Variants in LGALS8 observed in about 807,000 individuals in gnomAD.
LGALS8 encodes the protein galectin 8, also known as galectin-8.
LGALS8 carries 30 observed loss-of-function variants against 35.9 expected under a neutral mutation model. The ratio of observed to expected loss-of-function variants is 0.83; its 90% CI spans 0.62 to 1.13. LGALS8 has a LOEUF of 1.13. LGALS8 is among the 50% of genes most tolerant of loss of function. The pLI, the probability that LGALS8 is intolerant of heterozygous loss-of-function variation, is 0.00. For missense variants in LGALS8, 366 were observed against 388.7 expected, an observed-to-expected ratio of 0.94 and a Z score of 0.49; for synonymous variants, 138 against 136.1, an observed-to-expected ratio of 1.01 and a Z score of -0.10.
At chr1:236,546,642 T>C (rs1179717813) in intron 9 of LGALS8, among the ~76,000 whole-genome samples, 1 of 152,246 alleles carries the variant, frequency 6.6e-6, no homozygotes, top group Non-Finnish European at 1.5e-5. Context: ...TGCAGTAGTC[T>C]GCTCACCCGG....
At chr1:236,545,504 G>T (rs1431865245) in intron 9 of LGALS8, among the ~76,000 whole-genome samples, 2 of 152,148 alleles carry the variant, frequency 1.3e-5, no homozygotes, top group East Asian at 3.8e-4. Flanking sequence ...CCGGGTGTTT[G>T]GCCAGCCTCA....
intron 8 of LGALS8, among the ~76,000 whole-genome samples, chr1:236,544,119 A>G (rs1662209008): frequency 6.6e-6 from 1 of 151,732 alleles, no homozygotes; most frequent in Non-Finnish European, 1.5e-5. Flanking sequence ...TACTTTTTGA[A>G]TTTTTGTATT....
At chr1:236,532,490 G>A (rs757518725) in intron 2 of LGALS8, among the ~76,000 whole-genome samples, 5 of 152,132 alleles carry the variant, frequency 3.3e-5, no homozygotes, top group Non-Finnish European at 5.9e-5. Context: ...GCTCTCAGAT[G>A]CTCTGCCAAC....
chr1:236,544,869 A>G lies in LGALS8; in HGVS notation c.758A>G (p.Glu253Gly), dbSNP rs779425848. Residue 253 changes from glutamate to glycine, a missense_variant, in exon 9 of 10, where the codon GAG (glutamate) becomes GGG (glycine). Coordinates refer to ENST00000366584, the MANE Select transcript of LGALS8 (RefSeq NM_201544.4). The part of the protein sequence containing the change: ...SFLQESWGEE[E>G]RNITSFPFSP... ...CTTCAGGAGTCCTGGGGAGAAGAAG[A>G]GAGAAATATTACCTCTTTCCCATTT... The G allele has an allele frequency of 1.2e-6, 2 of 1,613,748 alleles. No individual in the cohort carries two copies. The highest frequency in any genetic ancestry group is 1.7e-6 in the Non-Finnish European group (2 of 1,179,804).
intron 2 of LGALS8, among the ~76,000 whole-genome samples, chr1:236,529,634 T>C (rs7531162): frequency 0.59 from 75,083 of 127,524 alleles, 23,343 homozygotes; most frequent in Non-Finnish European, 0.67. Context: ...TTTTTTTTTT[T>C]TTTCTTTCTT....
chr1:236,521,050 A>C (rs1274921766), upstream of LGALS8, among the ~76,000 whole-genome samples: 1 of 152,206 alleles, frequency 6.6e-6, no homozygotes, highest in East Asian at 1.9e-4. Context: ...CTTCTCTAAA[A>C]CACATCACTG....
intron 2 of LGALS8, among the ~76,000 whole-genome samples, chr1:236,533,775 G>A (rs2103079977): frequency 6.6e-6 from 1 of 152,212 alleles, no homozygotes; most frequent in South Asian, 2.1e-4. Flanking sequence ...GAAGAACCAG[G>A]CTTGGAGAAT....
chr1:236,539,787 C>A lies in LGALS8; in HGVS notation c.345+698C>A, dbSNP rs917831464. On this transcript the variant is annotated intron_variant, in intron 4 of 9. Transcript: ENST00000366584. ...ATCTCCCAAACTCCATTCACCTCTC[C>A]CTTCTCTGGCCTTTTGAGCCCGTGT... Among the ~76,000 whole-genome samples, 4 of 152,226 alleles carry A rather than the reference C, an allele frequency of 2.6e-5. No individual in the cohort carries two copies. In the South Asian group the frequency reaches 8.3e-4, roughly 32 times the overall value.
rs1661772348 is a variant in LGALS8 at position 236,539,041 on chromosome 1, AGAAAAGTC to A, written c.298_305del (p.Glu100PhefsTer2). On this transcript the variant is annotated frameshift_variant, in exon 4 of 10. Transcript: ENST00000366584. LOFTEE classifies it high-confidence loss of function. ...TCACCTATGACACGCCTTTCAAAAG[AGAAAAGTC>A]TTTTGAGATCGTGATTATGGTGCTG... 1.9e-6 allele frequency: 3 copies of A among 1,614,060 alleles called. No homozygotes were observed. The African/African-American group carries it at 4.0e-5, about 22-fold the overall frequency.
chr1:236,550,223 G>T lies in LGALS8; in HGVS notation c.*2062G>T, dbSNP rs1662663032. The T allele has an allele frequency of 6.6e-6, 1 of 152,204 alleles. No individual in the cohort carries two copies. Among genetic ancestry groups the T allele is most frequent in the Non-Finnish European group, 1.5e-5 (1 of 68,060 alleles). 9.4% of individuals were successfully genotyped at this position (152,204 alleles called of 1,614,324 possible). ...TGGAGGAGCTTCCTCGTGCCACCCA[G>T]TGTTTCTGGGCCCTCTGTGTGAGCA... On this transcript the variant is annotated 3_prime_UTR_variant, in exon 10 of 10. Transcript: ENST00000366584.
At chr1:236,542,435 G>A in intron 6 of LGALS8, 1 of 344,640 alleles carries the variant, frequency 2.9e-6, no homozygotes, top group Non-Finnish European at 5.3e-6. Flanking sequence ...AGCCATGATT[G>A]AGCCACTGCA....
intron 5 of LGALS8, among the ~76,000 whole-genome samples, chr1:236,541,012 C>G (rs1245556297): frequency 1.3e-5 from 2 of 152,150 alleles, no homozygotes; most frequent in Admixed American, 1.3e-4. Flanking sequence ...TCAAAGAGCA[C>G]AGTCATGTGT....
At chr1:236,545,846 G>T (rs777431787) in intron 9 of LGALS8, among the ~76,000 whole-genome samples, 3 of 152,146 alleles carry the variant, frequency 2.0e-5, no homozygotes, top group Non-Finnish European at 2.9e-5. Flanking sequence ...GGCTTTTCTA[G>T]ATTTAGGGCA....
At chr1:236,525,914 G>T (rs1660791199) in intron 1 of LGALS8, 54 bp from the exon 2 acceptor site, 1 of 504,890 alleles carries the variant, frequency 2.0e-6, no homozygotes, top group South Asian at 3.8e-5. Context: ...AATAGGATAT[G>T]AAGAAAAATG....
intron 5 of LGALS8, 139 bp from the exon 6 acceptor site, chr1:236,541,515 A>T: frequency 1.9e-6 from 1 of 540,356 alleles, no homozygotes. Context: ...AAAGGACCAC[A>T]GTGTCAAGTG....
upstream of LGALS8, chr1:236,522,940 C>T (rs887913106): frequency 6.6e-6 from 1 of 152,086 alleles, no homozygotes; most frequent in Admixed American, 6.6e-5. Flanking sequence ...AAAACAAAAG[C>T]CAGGGAGGAG....
chr1:236,531,291 A>C (rs1323222579), intron 2 of LGALS8, among the ~76,000 whole-genome samples: 4 of 151,982 alleles, frequency 2.6e-5, no homozygotes, highest in Middle Eastern at 3.4e-3. Context: ...GTCAGAGGGT[A>C]TGATCCATTT....
rs1377349832 is a variant in LGALS8, at chr1:236,551,079, T to C, written c.*2918T>C. 1.9e-6 allele frequency: 2 copies of C among 1,026,544 alleles called. No individual in the cohort carries two copies. Among genetic ancestry groups the C allele is most frequent in the African/African-American group, 1.6e-5 (1 of 61,194 alleles). The allele number at this position is 1,026,544 out of a possible 1,614,324, so 63.6% of individuals were successfully genotyped here. A position where few individuals can be genotyped will look rare whatever the true frequency, so the allele number is the denominator to read the frequency against. The stretch of plus-strand genomic sequence containing the variant: ...TAGTTTAATTCTTAATGCCTTGCAC[T>C]TTCCGGCAATCATTCAATCAAAAGA... On this transcript the variant is annotated 3_prime_UTR_variant, in exon 10 of 10. Coordinates refer to ENST00000366584, the MANE Select transcript of LGALS8 (RefSeq NM_201544.4).
chr1:236,548,882 T>C lies in LGALS8; in HGVS notation c.*721T>C, dbSNP rs1662576460. 1 of 398,328 alleles carries C rather than the reference T, an allele frequency of 2.5e-6. No individual in the cohort carries two copies. The highest frequency in any genetic ancestry group is 2.1e-5 in the African/African-American group (1 of 48,612). The allele number at this position is 398,328 out of a possible 1,614,324, so 24.7% of individuals were successfully genotyped here. ...AGGCAAAAAACCAAAGCAAAACAAA[T>C]ACATGGTGCTGAAATTAACTTGATG... On this transcript the variant is annotated 3_prime_UTR_variant, in exon 10 of 10. Coordinates refer to ENST00000366584, the MANE Select transcript of LGALS8 (RefSeq NM_201544.4).
Sources: allele counts gnomAD v4.1 joint callset (sites outside exome capture counted in the v4.1 genomes callset), GRCh38; gene constraint gnomAD v4.1.1; transcripts MANE v1.5; gene names NCBI Gene and HGNC (gene_info 2026-07-23, HGNC 2026-07-21).